The following RPTOR variants were observed in gnomAD, a reference collection of about 807,000 sequenced individuals.
RPTOR encodes regulatory-associated protein of mTOR.
Under a neutral mutation model 169.9 loss-of-function variants are expected in RPTOR, and 21 were observed. That is an observed-to-expected ratio of 0.12 (90% CI 0.09 to 0.18). RPTOR has a LOEUF of 0.18. RPTOR is among the 10% of genes least tolerant of loss of function. The probability of loss-of-function intolerance (pLI) is 1.00; values close to 1 mark genes in which losing one functional copy is unlikely to be tolerated. For missense variants in RPTOR, 1,133 were observed against 1,855.9 expected (o/e 0.61, Z 7.16); for synonymous variants, 732 against 753.2 (o/e 0.97, Z 0.46).
chr17:80,618,595 T>A (rs2065331330), intron 1 of RPTOR, among the ~76,000 whole-genome samples: 1 of 152,176 alleles, frequency 6.6e-6, no homozygotes, highest in South Asian at 2.1e-4. Context: ...CGTTTCCTTT[T>A]GATCAGGATG....
At chr17:80,619,181 GC>G (rs2065336630) in intron 1 of RPTOR, among the ~76,000 whole-genome samples, 2 of 152,118 alleles carry the variant, frequency 1.3e-5, no homozygotes, top group African/African-American at 4.8e-5. Context: ...TGTGTGGCCA[GC>G]CCCAGTCTTG....
At chr17:80,727,890 C>T (rs2066353639) in intron 4 of RPTOR, among the ~76,000 whole-genome samples, 1 of 152,170 alleles carries the variant, frequency 6.6e-6, no homozygotes, top group Non-Finnish European at 1.5e-5. Context: ...GCCTTCCATA[C>T]AAGCTTCATT....
Position 80,892,828 on chromosome 17 carries a change from G to A in RPTOR, c.2201G>A (p.Ser734Asn), listed in dbSNP as rs146910847. Reference sequence around the variant, plus strand: ...ATCCGTGCTGTCGCCACAGCCAGGAGCCTCAACAAATCTTTGCAGAACCTG... The same window carrying A: ...ATCCGTGCTGTCGCCACAGCCAGGAACCTCAACAAATCTTTGCAGAACCTG... ...GNIRAVATAR[S>N]LNKSLQNLSL... Residue 734 changes from serine (S) to asparagine (N), a missense_variant, in exon 19 of 34, where the codon AGC becomes AAC. Transcript: ENST00000306801. 4.3e-6 allele frequency: 7 copies of A among 1,614,114 alleles called. No individual in the cohort carries two copies. Among genetic ancestry groups the A allele is most frequent in the Middle Eastern group, 3.3e-4 (2 of 6,084 alleles).
chr17:80,797,590 A>G (rs1015552258), intron 7 of RPTOR, among the ~76,000 whole-genome samples: 3 of 152,246 alleles, frequency 2.0e-5, no homozygotes, highest in African/African-American at 4.8e-5. Flanking sequence ...GCCAAAGAAA[A>G]GTTTTTAATA....
intron 24 of RPTOR, among the ~76,000 whole-genome samples, chr17:80,931,769 C>G (rs965152289): frequency 2.6e-5 from 4 of 152,336 alleles, no homozygotes; most frequent in African/African-American, 9.6e-5. Context: ...GAGACACAGG[C>G]CCTGCCTCAG....
At chr17:80,907,813 C>G (rs1379416685) in intron 20 of RPTOR, among the ~76,000 whole-genome samples, 3 of 152,196 alleles carry the variant, frequency 2.0e-5, no homozygotes, top group African/African-American at 7.2e-5. Flanking sequence ...CCTCCTTTGC[C>G]CAGAGAATGA....
At chr17:80,931,052 A>G (rs2068891328) in intron 24 of RPTOR, among the ~76,000 whole-genome samples, 2 of 152,094 alleles carry the variant, frequency 1.3e-5, no homozygotes, top group East Asian at 3.9e-4. Flanking sequence ...AGAGAGTTTC[A>G]TCCTGGTTTT....
intron 7 of RPTOR, chr17:80,804,256 A>C (rs1219862443): frequency 6.6e-6 from 1 of 152,384 alleles, no homozygotes; most frequent in Non-Finnish European, 1.5e-5. Flanking sequence ...ACTGACGGCC[A>C]GCAGGAGGGC....
intron 1 of RPTOR, among the ~76,000 whole-genome samples, chr17:80,598,668 G>T (rs898105580): frequency 9.2e-5 from 14 of 152,162 alleles, no homozygotes; most frequent in Non-Finnish European, 1.8e-4. Flanking sequence ...TTGCAGCTCT[G>T]TGATCCTGCT....
intron 31 of RPTOR, 75 bp downstream of exon 31, chr17:80,961,555 G>C: frequency 6.9e-7 from 1 of 1,452,506 alleles, no homozygotes; most frequent in Non-Finnish European, 9.3e-7. Context: ...ATACGTCCTT[G>C]GTATTTAAAC....
intron 9 of RPTOR, among the ~76,000 whole-genome samples, chr17:80,829,278 G>A (rs1412089432): frequency 6.6e-6 from 1 of 152,182 alleles, no homozygotes; most frequent in East Asian, 1.9e-4. Context: ...AGAGGCAGGC[G>A]TGGGGGCTTT....
At chr17:80,585,273 C>T (rs749670346) in intron 1 of RPTOR, among the ~76,000 whole-genome samples, 18 of 150,400 alleles carry the variant, frequency 1.2e-4, no homozygotes, top group Non-Finnish European at 1.9e-4. Flanking sequence ...GGTGCGATCT[C>T]GACTCACTGC....
intron 28 of RPTOR, among the ~76,000 whole-genome samples, chr17:80,956,197 T>C (rs569213833): frequency 2.0e-5 from 3 of 149,964 alleles, no homozygotes; most frequent in African/African-American, 7.4e-5. Context: ...ATGCTTTTAC[T>C]GTGTCTAAAA....
intron 3 of RPTOR, among the ~76,000 whole-genome samples, chr17:80,660,924 C>T (rs1299950083): frequency 6.6e-6 from 1 of 151,366 alleles, no homozygotes; most frequent in Non-Finnish European, 1.5e-5. Flanking sequence ...CTGCTGGAAA[C>T]AAGGCAAGGT....
intron 4 of RPTOR, among the ~76,000 whole-genome samples, chr17:80,719,653 C>T (rs1167769602): frequency 2.0e-5 from 3 of 152,174 alleles, no homozygotes; most frequent in Non-Finnish European, 2.9e-5. Flanking sequence ...CAGATTCCTC[C>T]TCCTCCTGAA....
At chr17:80,872,922 C>A (rs1291850920) in intron 13 of RPTOR, among the ~76,000 whole-genome samples, 2 of 152,298 alleles carry the variant, frequency 1.3e-5, no homozygotes, top group East Asian at 3.9e-4. Flanking sequence ...TCAGCTCAGC[C>A]TGCTGGGTGT....
At chr17:80,728,446 G>GGTGGGTGTGTGTGTGTGTGT (rs1555612017) in intron 4 of RPTOR, among the ~76,000 whole-genome samples, 10 of 148,174 alleles carry the variant, frequency 6.7e-5, no homozygotes, top group African/African-American at 2.5e-4. Context: ...TCCACTCTGG[G>GGTGGGTGTGTGTGTGTGTGT]GTGTGTGTGT....
rs1173845694 is a variant in RPTOR, at chr17:80,860,672, G to T, written c.1509+2772G>T. 4.6e-5 allele frequency among the ~76,000 whole-genome samples: 7 copies of T among 152,124 alleles called. 1 individual carries two copies. The East Asian group carries it at 1.2e-3, about 25-fold the overall frequency. The stretch of plus-strand genomic sequence containing the variant: ...CCCAGCACCAGTTGACCTCTCGCTG[G>T]TTCCGCTGATTCTTGTAGATTCCCT... On this transcript the variant is annotated intron_variant, in intron 13 of 33. Coordinates refer to ENST00000306801, the MANE Select transcript of RPTOR (RefSeq NM_020761.3). This position sits in a 1 kb window ranked among gnomAD's most constrained non-coding sequence, Gnocchi z 5.8.
chr17:80,606,476 C>CT (rs532005399), intron 1 of RPTOR, among the ~76,000 whole-genome samples: 92 of 152,132 alleles, frequency 6.0e-4, no homozygotes, highest in South Asian at 2.5e-3. Context: ...TTTCCGTTAG[C>CT]TTTTGAAAAT....
Sources: gnomAD v4.1 joint callset for allele counts (sites outside exome capture counted in the v4.1 genomes callset) on GRCh38, gnomAD v4.1.1 for gene constraint, Gnocchi (gnomAD v3.1) non-coding constraint, MANE v1.5 for transcripts, NCBI Gene and HGNC (gene_info 2026-07-23, HGNC 2026-07-21) for gene names.